ATRX: variants seen among roughly 807,000 people sequenced by gnomAD.
The protein encoded by ATRX is ATRX chromatin remodeler.
In ATRX, 12 loss-of-function variants were observed where a neutral mutation model predicts 172.6. The observed-to-expected ratio is 0.07, with a 90% CI of 0.04 to 0.11. The LOEUF is 0.11. ATRX is among the 10% of genes least tolerant of loss of function. The probability of loss-of-function intolerance (pLI) is 1.00; values close to 1 mark genes in which losing one functional copy is unlikely to be tolerated. For synonymous variants in ATRX, 674 were observed against 594.7 expected, an observed-to-expected ratio of 1.13 and a Z score of -1.94; for missense variants, 1,368 against 1,767.4, an observed-to-expected ratio of 0.77 and a Z score of 4.05.
At chrX:77,720,199 T>C (rs2073676487) in intron 1 of ATRX, among the ~76,000 whole-genome samples, 2 of 112,185 alleles carry the variant, frequency 1.8e-5, no homozygotes, top group Non-Finnish European at 3.8e-5. Flanking sequence ...GGGAAATTTA[T>C]AGCACTAAAT....
intron 1 of ATRX, among the ~76,000 whole-genome samples, chrX:77,771,799 G>A (rs1557199211): frequency 9.0e-6 from 1 of 111,162 alleles, no homozygotes; most frequent in African/African-American, 3.3e-5. Flanking sequence ...ACCGCCCACA[G>A]GGAACATCTG....
chrX:77,767,012 G>GCC (rs2075980985), intron 1 of ATRX, among the ~76,000 whole-genome samples: 1 of 112,669 alleles, frequency 8.9e-6, no homozygotes, highest in East Asian at 2.8e-4. Context: ...GCGGTTAGGA[G>GCC]CTGGAGACCA....
At chrX:77,606,991 T>C (rs2032655721) in intron 22 of ATRX, among the ~76,000 whole-genome samples, 1 of 111,419 alleles carries the variant, frequency 9.0e-6, no homozygotes, top group African/African-American at 3.3e-5. Context: ...TACTTCAACA[T>C]ATTAAAGCTA....
intron 26 of ATRX, among the ~76,000 whole-genome samples, chrX:77,590,649 C>T (rs1263240169): frequency 2.8e-5 from 3 of 106,723 alleles, no homozygotes; most frequent in African/African-American, 6.8e-5. Context: ...ATGGTCTTAG[C>T]GAAACTGAAC....
In ATRX at chrX:77,682,891, C is replaced by G. The variant is rs2148599701; in HGVS notation, c.2365G>C (p.Asp789His). ...RKRKSSTSGS[D>H]FDTKKGKSAK... ...GATTTGCCCTTTTTAGTATCAAAAT[C>G]TGAGCCAGATGTAGAACTTTTTCGT... Residue 789 changes from aspartate to histidine, a missense_variant, in exon 9 of 35, where the codon GAT becomes CAT. Physicochemically the swap from Asp to His is moderately conservative, Grantham distance 81. Around this residue, in one of 17 missense-constraint regions of ATRX, gnomAD observed 843 missense variants for 643.1 expected, o/e 1.31. Transcript: ENST00000373344. 1 of 1,210,053 alleles carries G rather than the reference C, an allele frequency of 8.3e-7. No individual in the cohort carries two copies. Among genetic ancestry groups the G allele is most frequent in the Non-Finnish European group, 1.1e-6 (1 of 895,078 alleles).
chrX:77,683,757 T>A lies in ATRX; in HGVS notation c.1499A>T (p.Glu500Val). 8.3e-7 allele frequency: 1 copy of A among 1,210,980 alleles called. No homozygotes were observed. Among genetic ancestry groups the A allele is most frequent in the Non-Finnish European group, 1.1e-6 (1 of 894,794 alleles). ...GTTGGCAGGTTCATATTGAGGTTCT[T>A]CTTTTCTATCAGATTTCTTATGTTC... is the stretch of plus-strand genomic sequence containing the variant. ...GGEHKKSDRK[E>V]EPQYEPANTS... The change falls in exon 9 of 35, where the codon GAA becomes GTA. Residue 500 changes from glutamate to valine, a missense_variant. Coordinates refer to ENST00000373344, the MANE Select transcript of ATRX (RefSeq NM_000489.6).
intron 30 of ATRX, among the ~76,000 whole-genome samples, chrX:77,555,997 A>AC (rs1405386337): frequency 9.4e-6 from 1 of 106,271 alleles, no homozygotes; most frequent in Non-Finnish European, 1.9e-5. Flanking sequence ...ACATAGTAAA[A>AC]CCCCATCTCT....
chrX:77,783,079 C>CA (rs1341774979), intron 1 of ATRX, among the ~76,000 whole-genome samples: 1 of 110,712 alleles, frequency 9.0e-6, no homozygotes, highest in East Asian at 2.8e-4. Context: ...ACTAAAAATA[C>CA]AAAAATTAGC....
chrX:77,551,673 G>T (rs1371359963), intron 30 of ATRX, among the ~76,000 whole-genome samples: 2 of 112,017 alleles, frequency 1.8e-5, no homozygotes, highest in African/African-American at 3.2e-5. Flanking sequence ...CCATCAGAGT[G>T]AATGGGCAAC....
At chrX:77,709,282 CAAT>C (rs1485981403) in intron 2 of ATRX, among the ~76,000 whole-genome samples, 2 of 111,965 alleles carry the variant, frequency 1.8e-5, no homozygotes, top group African/African-American at 6.5e-5. Context: ...ATTAAAACCA[CAAT>C]GAGATACCAT....
Position 77,557,437 on chromosome X carries a change from C to G in ATRX, c.6699+14G>C. The stretch of plus-strand genomic sequence containing the variant: ...CACGTTGGTTTGTTAAGCCAATAAT[C>G]TAAATATGTTTACCTTTGGCAGCAT... On this transcript the variant is annotated intron_variant, in intron 30 of 34. Transcript: ENST00000373344. The G allele has an allele frequency of 1.7e-6, 2 of 1,207,228 alleles. No homozygotes were observed. Among genetic ancestry groups the G allele is most frequent in the Non-Finnish European group, 2.2e-6 (2 of 891,999 alleles).
intron 13 of ATRX, 110 bp from the exon 14 acceptor site, chrX:77,654,310 C>T (rs1215882352): frequency 3.4e-6 from 2 of 596,028 alleles, no homozygotes; most frequent in African/African-American, 4.6e-5. Context: ...TAAAAACAAA[C>T]AGAAAAAAAA....
intron 9 of ATRX, among the ~76,000 whole-genome samples, chrX:77,677,522 A>C (rs927410315): frequency 9.0e-6 from 1 of 111,524 alleles, no homozygotes; most frequent in Non-Finnish European, 1.9e-5. Context: ...GCACTGAACT[A>C]TACTTATACA....
chrX:77,719,779 C>T (rs782049756), intron 1 of ATRX, among the ~76,000 whole-genome samples: 5 of 111,215 alleles, frequency 4.5e-5, no homozygotes, highest in Admixed American at 9.7e-5. Context: ...ACCGACAAGA[C>T]GGAAAATTAA....
chrX:77,680,800 T>C (rs45486302), intron 9 of ATRX, among the ~76,000 whole-genome samples: 131 of 111,606 alleles, frequency 1.2e-3, no homozygotes, highest in African/African-American at 4.2e-3. Context: ...ATTTTTAAAA[T>C]AACTTCAATA....
chrX:77,588,050 A>C (rs2066096163), intron 27 of ATRX, among the ~76,000 whole-genome samples: 1 of 112,507 alleles, frequency 8.9e-6, no homozygotes, highest in African/African-American at 3.2e-5. Context: ...ATGGTAATGA[A>C]ATAGTGCAGT....
At chrX:77,598,184 A>C (rs1353693776) in intron 25 of ATRX, among the ~76,000 whole-genome samples, 1 of 111,588 alleles carries the variant, frequency 9.0e-6, no homozygotes, top group Non-Finnish European at 1.9e-5. Context: ...TAACACAGAA[A>C]CAGAAAACCA....
chrX:77,768,979 C>T (rs1414013561), intron 1 of ATRX, among the ~76,000 whole-genome samples: 2 of 111,175 alleles, frequency 1.8e-5, no homozygotes, highest in Non-Finnish European at 3.8e-5. Flanking sequence ...CCCCACAAAC[C>T]ACCATCACAA....
chrX:77,674,346 T>G (rs1333405524), intron 10 of ATRX: 1 of 111,437 alleles, frequency 9.0e-6, no homozygotes, highest in African/African-American at 3.3e-5. Flanking sequence ...GTATAGTGAA[T>G]ATTAAACAAG....
Sources: allele counts gnomAD v4.1 joint callset (sites outside exome capture counted in the v4.1 genomes callset), GRCh38; gene constraint gnomAD v4.1.1; regional missense constraint gnomAD v4.1.1; transcripts MANE v1.5; gene names NCBI Gene and HGNC (gene_info 2026-07-23, HGNC 2026-07-21).